Variants in TAFA1 observed in about 807,000 individuals in gnomAD.
TAFA1 encodes the protein chemokine-like protein TAFA-1.
In TAFA1, 4 loss-of-function variants were observed where a neutral mutation model predicts 18.5. The ratio of observed to expected loss-of-function variants is 0.22; its 90% CI spans 0.11 to 0.49. The LOEUF is 0.49. Among genes scored for constraint, TAFA1 ranks in the 20% least tolerant of loss-of-function variants. TAFA1 has a pLI of 0.98. For missense variants in TAFA1, 147 were observed against 169.0 expected, an observed-to-expected ratio of 0.87 and a Z score of 0.72; for synonymous variants, 56 against 55.2, an observed-to-expected ratio of 1.01 and a Z score of -0.06.
At chr3:68,370,468 GTGTGTATATATATATA>G (rs1184504506) in intron 2 of TAFA1, among the ~76,000 whole-genome samples, 5 of 16,624 alleles carry the variant, frequency 3.0e-4, no homozygotes, top group Admixed American at 1.1e-3. Context: ...GTGTGTGTGT[GTGTGTATATATATATA>G]TATATATATA....
At chr3:68,052,244 T>A (rs1260903292) in intron 2 of TAFA1, among the ~76,000 whole-genome samples, 1 of 152,110 alleles carries the variant, frequency 6.6e-6, no homozygotes, top group Non-Finnish European at 1.5e-5. Context: ...AGTATTGAGA[T>A]CTTCTCTCAA....
chr3:68,457,911 A>G (rs2071696241), intron 3 of TAFA1, among the ~76,000 whole-genome samples: 1 of 152,116 alleles, frequency 6.6e-6, no homozygotes, highest in African/African-American at 2.4e-5. Context: ...GATTCTGATG[A>G]CATTGTCCCA....
chr3:68,523,053 G>A (rs919840500), intron 3 of TAFA1, among the ~76,000 whole-genome samples: 6 of 150,602 alleles, frequency 4.0e-5, no homozygotes, highest in Non-Finnish European at 7.4e-5. Context: ...TCCAGCCTGG[G>A]CAGCAAGAGC....
chr3:68,201,753 A>G (rs2066471900), intron 2 of TAFA1, among the ~76,000 whole-genome samples: 1 of 151,750 alleles, frequency 6.6e-6, no homozygotes, highest in Admixed American at 6.6e-5. Flanking sequence ...ATTTATAAAG[A>G]AAACAGGTTT....
the TAFA1 span, among the ~76,000 whole-genome samples, chr3:67,998,328 A>T: frequency 1.3e-5 from 2 of 152,334 alleles, no homozygotes; most frequent in East Asian, 3.9e-4. Flanking sequence ...TGCTAGCCTT[A>T]GTCAACATTA....
At chr3:68,187,830 C>G (rs1399545050) in intron 2 of TAFA1, among the ~76,000 whole-genome samples, 3 of 151,958 alleles carry the variant, frequency 2.0e-5, no homozygotes, top group African/African-American at 7.2e-5. Flanking sequence ...GTGCTTGGTT[C>G]TGTCAGTCCT....
chr3:68,426,678 A>G (rs939816716), intron 3 of TAFA1, among the ~76,000 whole-genome samples: 15 of 151,898 alleles, frequency 9.9e-5, no homozygotes, highest in Admixed American at 3.3e-4. Flanking sequence ...TACAAACTCA[A>G]TTAGTTAGCC....
At chr3:68,473,084 A>G (rs1323698681) in intron 3 of TAFA1, among the ~76,000 whole-genome samples, 1 of 152,160 alleles carries the variant, frequency 6.6e-6, no homozygotes, top group East Asian at 1.9e-4. Context: ...AAAGTGATTG[A>G]TTTTCAGAGG....
intron 2 of TAFA1, among the ~76,000 whole-genome samples, chr3:68,401,882 A>G (rs1046135319): frequency 5.9e-5 from 9 of 152,212 alleles, no homozygotes; most frequent in African/African-American, 1.9e-4. Context: ...GTCTTCAGTA[A>G]AAGTAGGACT....
intron 3 of TAFA1, among the ~76,000 whole-genome samples, chr3:68,454,163 T>A (rs1350408754): frequency 6.6e-6 from 1 of 152,192 alleles, no homozygotes; most frequent in Non-Finnish European, 1.5e-5. Context: ...AAAAGAATAG[T>A]GGCAGCTTTT....
chr3:68,027,434 G>C (rs1371213502), intron 2 of TAFA1, among the ~76,000 whole-genome samples: 1 of 152,144 alleles, frequency 6.6e-6, no homozygotes, highest in African/African-American at 2.4e-5. Flanking sequence ...TTCCTGGACT[G>C]TCCCTTTTCC....
At chr3:68,494,222 C>T (rs1397116887) in intron 3 of TAFA1, among the ~76,000 whole-genome samples, 1 of 152,214 alleles carries the variant, frequency 6.6e-6, no homozygotes, top group Admixed American at 6.5e-5. Context: ...CTGCCTCAGC[C>T]TCCCGAGTAG....
rs201563387 is a variant in TAFA1, at chr3:68,226,695, A to G, written c.119-190585A>G. Among the ~76,000 whole-genome samples, 5 of 152,172 alleles carry G rather than the reference A, an allele frequency of 3.3e-5. No individual in the cohort carries two copies. In the East Asian group the frequency reaches 9.7e-4, roughly 29 times the overall value. ...ATTATACTACTTAAGACTCTCAACC[A>G]CCCTGAGATGTAGGCAGAGCATGAA... On this transcript the variant is annotated intron_variant, in intron 2 of 4. Coordinates refer to ENST00000478136, the MANE Select transcript of TAFA1 (RefSeq NM_213609.4).
At chr3:68,283,772 A>G (rs754985798) in intron 2 of TAFA1, among the ~76,000 whole-genome samples, 3 of 152,204 alleles carry the variant, frequency 2.0e-5, no homozygotes, top group Non-Finnish European at 4.4e-5. Flanking sequence ...GGGATGGGTA[A>G]TCATTCCTGC....
intron 2 of TAFA1, among the ~76,000 whole-genome samples, chr3:68,321,856 G>A (rs2068701420): frequency 6.6e-6 from 1 of 152,118 alleles, no homozygotes; most frequent in Non-Finnish European, 1.5e-5. Flanking sequence ...AAATCTCCAA[G>A]GTTTCCTGAA....
intron 2 of TAFA1, among the ~76,000 whole-genome samples, chr3:68,169,768 G>A (rs970140299): frequency 6.6e-6 from 1 of 152,180 alleles, no homozygotes; most frequent in East Asian, 1.9e-4. Context: ...TACAAGAATA[G>A]TATATGGGTG....
intron 2 of TAFA1, among the ~76,000 whole-genome samples, chr3:68,404,590 G>A (rs1053191968): frequency 6.6e-6 from 1 of 152,080 alleles, no homozygotes; most frequent in Non-Finnish European, 1.5e-5. Flanking sequence ...ATGAGGTCAG[G>A]AGTTCAAGAC....
the TAFA1 span, among the ~76,000 whole-genome samples, chr3:67,997,439 GA>G: frequency 2.6e-5 from 4 of 152,124 alleles, no homozygotes; most frequent in African/African-American, 9.7e-5. Flanking sequence ...CCTGCTGTTA[GA>G]TTGCCTCTCT....
At chr3:68,468,832 G>A (rs2071938296) in intron 3 of TAFA1, among the ~76,000 whole-genome samples, 1 of 152,120 alleles carries the variant, frequency 6.6e-6, no homozygotes, top group African/African-American at 2.4e-5. Context: ...TCTATTATCT[G>A]CAAATGTAGT....
Sources: gnomAD v4.1 joint callset for allele counts (sites outside exome capture counted in the v4.1 genomes callset) on GRCh38, gnomAD v4.1.1 for gene constraint, MANE v1.5 for transcripts, NCBI Gene and HGNC (gene_info 2026-07-23, HGNC 2026-07-21) for gene names.